Variants in SPATA13 observed in about 807,000 individuals in gnomAD.
SPATA13 encodes spermatogenesis-associated protein 13.
Under a neutral mutation model 104.0 loss-of-function variants are expected in SPATA13, and 50 were observed. The ratio of observed to expected loss-of-function variants is 0.48; its 90% CI spans 0.38 to 0.61. The LOEUF is 0.61. SPATA13 is among the 20% of genes least tolerant of loss of function. The pLI is 0.00. For synonymous variants in SPATA13, 606 were observed against 667.5 expected, an observed-to-expected ratio of 0.91 and a Z score of 1.42; for missense variants, 1,524 against 1,690.6, an observed-to-expected ratio of 0.90 and a Z score of 1.73.
chr13:24,194,295 T>G (rs1869929655), intron 1 of SPATA13, among the ~76,000 whole-genome samples: 2 of 152,232 alleles, frequency 1.3e-5, no homozygotes, highest in South Asian at 4.1e-4. Context: ...AATATATGAC[T>G]TACAAAAGAA....
chr13:24,272,787 G>A (rs533025555), intron 4 of SPATA13: 1 of 152,272 alleles, frequency 6.6e-6, no homozygotes, highest in African/African-American at 2.4e-5. Flanking sequence ...TTTGAGCCAC[G>A]GTTTCCTCCT....
chr13:24,183,649 G>A (rs1372908896), intron 1 of SPATA13, among the ~76,000 whole-genome samples: 3 of 149,226 alleles, frequency 2.0e-5, no homozygotes, highest in African/African-American at 7.5e-5. Context: ...TAGTGTTAGT[G>A]TATTTTATGC....
intron 4 of SPATA13, among the ~76,000 whole-genome samples, chr13:24,272,256 G>A (rs367775443): frequency 6.6e-6 from 1 of 152,166 alleles, no homozygotes; most frequent in Non-Finnish European, 1.5e-5. Context: ...AGGGAAGCCC[G>A]ACCCAGCCTC....
intron 4 of SPATA13, chr13:24,270,761 A>G (rs1447551617): frequency 6.3e-7 from 1 of 1,595,184 alleles, no homozygotes; most frequent in East Asian, 2.3e-5. Context: ...CAGTTCCCGT[A>G]GCTGCCAGCC....
intron 3 of SPATA13, among the ~76,000 whole-genome samples, chr13:24,137,968 C>T (rs916703364): frequency 1.3e-5 from 2 of 152,080 alleles, no homozygotes; most frequent in African/African-American, 4.8e-5. Flanking sequence ...TTTTACTCTG[C>T]ATCTTTTGAA....
intron 1 of SPATA13, among the ~76,000 whole-genome samples, chr13:24,174,814 G>A (rs1047084506): frequency 3.9e-5 from 6 of 152,104 alleles, no homozygotes; most frequent in African/African-American, 1.4e-4. Context: ...CCTGACCTCA[G>A]GTGATCCACC....
At chr13:24,190,031 AC>A (rs1490462917) in intron 1 of SPATA13, among the ~76,000 whole-genome samples, 1 of 96,520 alleles carries the variant, frequency 1.0e-5, no homozygotes, top group East Asian at 3.6e-4. Flanking sequence ...ATAATGATAT[AC>A]AATATATATT....
At chr13:24,134,027 T>C (rs1353717061) in intron 3 of SPATA13, among the ~76,000 whole-genome samples, 2 of 151,908 alleles carry the variant, frequency 1.3e-5, no homozygotes, top group African/African-American at 4.8e-5. Flanking sequence ...TTGTGCTAAG[T>C]GTGGTTGCTG....
chr13:24,002,964 G>A lies in SPATA13; in HGVS notation c.-146-14703G>A, dbSNP rs529566523. 5.9e-5 allele frequency among the ~76,000 whole-genome samples: 9 copies of A among 152,160 alleles called. No homozygotes were observed. The South Asian group carries it at 8.3e-4, about 14-fold the overall frequency. On this transcript the variant is annotated intron_variant, in intron 2 of 14. Transcript: ENST00000424834. The stretch of plus-strand genomic sequence containing the variant: ...ATTTTTCTTTTTCTGAATGTGGGGG[G>A]TGAACAGAGAAAATTGCCATCATTT...
At chr13:24,103,459 T>A (rs1305160499) in intron 3 of SPATA13, among the ~76,000 whole-genome samples, 14 of 99,308 alleles carry the variant, frequency 1.4e-4, no homozygotes, top group Non-Finnish European at 1.9e-5. Context: ...TACTCCAGCC[T>A]GGGCAACAGA....
upstream of SPATA13, among the ~76,000 whole-genome samples, chr13:24,158,089 A>G (rs1882316995): frequency 6.6e-6 from 1 of 152,218 alleles, no homozygotes; most frequent in Non-Finnish European, 1.5e-5. Context: ...ACTTAGTGAG[A>G]GGTGGTAGTT....
chr13:24,135,407 T>TA (rs1185013383), intron 3 of SPATA13, among the ~76,000 whole-genome samples: 4 of 152,014 alleles, frequency 2.6e-5, no homozygotes, highest in Admixed American at 2.0e-4. Flanking sequence ...TCTTTAAGAG[T>TA]ATTTTTAGGT....
chr13:23,993,987 T>TC (rs1257934068), intron 2 of SPATA13, among the ~76,000 whole-genome samples: 9 of 44,066 alleles, frequency 2.0e-4, no homozygotes, highest in East Asian at 5.2e-4. Flanking sequence ...TTTTTTTTTC[T>TC]TTTTTTTTTT....
At position 24,284,267 on chromosome 13, in the gene SPATA13, A is replaced by T; in HGVS notation, c.2297A>T (p.Asn766Ile). 1.9e-6 allele frequency: 3 copies of T among 1,613,356 alleles called. No homozygotes were observed. The highest frequency in any genetic ancestry group is 2.5e-6 in the Non-Finnish European group (3 of 1,179,666). ...LQPGGEQLAI[N>I]ELISDGNVVC... ...CCCGGCGGGGAGCAGCTGGCCATCA[A>T]TGAGGTACTGGAATTCCACACGACA... The change falls in exon 5 of 13, where the codon AAT (asparagine) becomes ATT (isoleucine). Residue 766 changes from asparagine (N) to isoleucine (I), a missense_variant. Around this residue, in one of 2 missense-constraint regions of SPATA13, gnomAD observed 1,089 missense variants for 1,135.9 expected, o/e 0.96. Transcript: ENST00000382108.
chr13:24,197,136 G>A (rs1216536394), intron 1 of SPATA13, among the ~76,000 whole-genome samples: 1 of 152,160 alleles, frequency 6.6e-6, no homozygotes, highest in Non-Finnish European at 1.5e-5. Context: ...CTTGAGAAAA[G>A]ACCCATCTTT....
At chr13:24,290,330 A>G (rs928688523) in intron 8 of SPATA13, among the ~76,000 whole-genome samples, 1 of 152,078 alleles carries the variant, frequency 6.6e-6, no homozygotes, top group Admixed American at 6.5e-5. Context: ...TGGGAGGGGG[A>G]CGTTAGAGGC....
At chr13:24,080,419 T>C (rs1384192199) in intron 3 of SPATA13, among the ~76,000 whole-genome samples, 1 of 152,218 alleles carries the variant, frequency 6.6e-6, no homozygotes, top group Non-Finnish European at 1.5e-5. Flanking sequence ...CCAAGTCACC[T>C]TGACACCATC....
At chr13:24,084,859 A>C (rs1221161146) in intron 3 of SPATA13, among the ~76,000 whole-genome samples, 1 of 152,224 alleles carries the variant, frequency 6.6e-6, no homozygotes, top group East Asian at 1.9e-4. Context: ...CGGTCTCTAC[A>C]AAAATATATA....
chr13:24,305,581 GAA>G lies in SPATA13; in HGVS notation c.*2810_*2811del, dbSNP rs1877528523. The stretch of plus-strand genomic sequence containing the variant: ...TTGAGTCACGTGTTCCACTTGGAAA[GAA>G]AGGGAACAGAGAGCCTCCTCCATGG... On this transcript the variant is annotated 3_prime_UTR_variant, in exon 13 of 13. Transcript: ENST00000382108. The G allele has an allele frequency of 6.6e-6, 1 of 152,204 alleles. No individual in the cohort carries two copies. Among genetic ancestry groups the G allele is most frequent in the African/African-American group, 2.4e-5 (1 of 41,446 alleles). 9.4% of individuals were successfully genotyped at this position (152,204 alleles called of 1,614,324 possible). A position where few individuals can be genotyped will look rare whatever the true frequency, so the allele number is the denominator to read the frequency against.
Sources: gnomAD v4.1 joint callset for allele counts (sites outside exome capture counted in the v4.1 genomes callset) on GRCh38, gnomAD v4.1.1 for gene constraint, gnomAD v4.1.1 regional missense constraint, MANE v1.5 for transcripts, NCBI Gene and HGNC (gene_info 2026-07-23, HGNC 2026-07-21) for gene names.